Variants in COL6A5 observed in about 807,000 individuals in gnomAD.
The protein encoded by COL6A5 is collagen alpha-5(VI) chain.
In COL6A5, 48 loss-of-function variants were observed where a neutral mutation model predicts 65.6. The observed-to-expected ratio is 0.73, with a 90% confidence interval of 0.58 to 0.93. The LOEUF is 0.93. Among genes scored for constraint, COL6A5 ranks in the 40% least tolerant of loss-of-function variants. COL6A5 has a pLI of 0.00. For synonymous variants in COL6A5, 291 were observed against 322.8 expected, an observed-to-expected ratio of 0.90 and a Z score of 1.05; for missense variants, 914 against 928.3, an observed-to-expected ratio of 0.98 and a Z score of 0.20.
intron 17 of COL6A5, among the ~76,000 whole-genome samples, chr3:130,407,516 A>C (rs573458076): frequency 6.6e-6 from 1 of 152,378 alleles, no homozygotes; most frequent in African/African-American, 2.4e-5. Flanking sequence ...AGAAGTGATG[A>C]AGCCTTCAAG....
chr3:130,464,592 C>A (rs1424978524), intron 5 of COL6A5, among the ~76,000 whole-genome samples: 1 of 152,060 alleles, frequency 6.6e-6, no homozygotes, highest in Non-Finnish European at 1.5e-5. Context: ...TAGAAATGTT[C>A]ATTTAATTAA....
chr3:130,439,097 G>T (rs756316607), intron 1 of COL6A5, among the ~76,000 whole-genome samples: 3 of 152,152 alleles, frequency 2.0e-5, no homozygotes, highest in Non-Finnish European at 4.4e-5. Flanking sequence ...GCTTGGGAAC[G>T]TACAATTTCT....
At chr3:130,432,253 G>T (rs1559900289) in intron 1 of COL6A5, among the ~76,000 whole-genome samples, 1 of 152,062 alleles carries the variant, frequency 6.6e-6, no homozygotes, top group Non-Finnish European at 1.5e-5. Context: ...TTGTCTCCAT[G>T]TTAAAAATGA....
At chr3:130,405,426 A>G (rs1497313) in intron 13 of COL6A5, among the ~76,000 whole-genome samples, 162 bp from the exon 14 acceptor site, 110,245 of 152,068 alleles carry the variant, frequency 0.72, 40,644 homozygotes, top group Non-Finnish European at 0.79. Flanking sequence ...AAAAACAGAC[A>G]TAAATGAGTG....
At chr3:130,403,576 G>T in intron 12 of COL6A5, 33 bp from the exon 13 acceptor site, 1 of 1,525,908 alleles carries the variant, frequency 6.6e-7, no homozygotes, top group Non-Finnish European at 8.9e-7. Context: ...GGGGGGGGGT[G>T]ACTAAAATGT....
chr3:130,358,283 A>G (rs1480163985), intron 1 of COL6A5, among the ~76,000 whole-genome samples: 1 of 152,212 alleles, frequency 6.6e-6, no homozygotes, highest in East Asian at 1.9e-4. Flanking sequence ...GGTCAATGTA[A>G]TAATAAAAGG....
chr3:130,405,761 C>G, intron 14 of COL6A5, 102 bp downstream of exon 14: 1 of 1,018,038 alleles, frequency 9.8e-7, no homozygotes. Context: ...CATCACTCCT[C>G]TCTCTTTTCC....
At chr3:130,450,418 A>T (rs1319511801) in intron 4 of COL6A5, among the ~76,000 whole-genome samples, 9 of 152,094 alleles carry the variant, frequency 5.9e-5, no homozygotes, top group Admixed American at 2.0e-4. Context: ...TTCCAGTATG[A>T]CCAAGTTGGC....
chr3:130,484,072 A>G (rs367860348), exon 8 of COL6A5: 2 of 1,604,660 alleles, frequency 1.2e-6, no homozygotes, highest in Non-Finnish European at 1.7e-6. Flanking sequence ...AGAAAAGAAG[A>G]TAGCTCCACT....
At chr3:130,400,699 C>T (rs141338655) in intron 10 of COL6A5, among the ~76,000 whole-genome samples, 18 of 152,282 alleles carry the variant, frequency 1.2e-4, no homozygotes, top group Admixed American at 2.6e-4. Flanking sequence ...ATCACTTTCC[C>T]GTGCCCAAGA....
chr3:130,421,354 G>A lies in COL6A5; in HGVS notation c.5031G>A (p.Gly1677=), dbSNP rs1158465789. The A allele has an allele frequency of 4.5e-6, 7 of 1,550,540 alleles. No homozygotes were observed. In the African/African-American group the frequency reaches 8.2e-5, roughly 18 times the overall value. Residue 1677 remains glycine, a synonymous_variant and NMD_transcript_variant, in exon 27 of 42, where the codon GGG becomes GGA. Transcript: ENST00000312481. ...CAAGAGGATTCCCTGGAGATGCGGG[G>A]CAGAAGGTATTGTATGCATGACCTT... is the stretch of plus-strand genomic sequence containing the variant.
intron 6 of COL6A5, among the ~76,000 whole-genome samples, 187 bp from the exon 7 acceptor site, chr3:130,390,992 G>A (rs1936376757): frequency 6.6e-6 from 1 of 152,216 alleles, no homozygotes; most frequent in Admixed American, 6.5e-5. Flanking sequence ...ATGTAGGCAA[G>A]TTGCACTTCT....
intron 1 of COL6A5, among the ~76,000 whole-genome samples, chr3:130,434,521 C>T (rs796522538): frequency 2.0e-5 from 3 of 152,282 alleles, no homozygotes; most frequent in African/African-American, 7.2e-5. Context: ...TGCTGTCTTT[C>T]ACAATGGTTG....
At chr3:130,455,820 T>G (rs1355909544) in intron 5 of COL6A5, among the ~76,000 whole-genome samples, 154 bp downstream of exon 37, 1 of 152,126 alleles carries the variant, frequency 6.6e-6, no homozygotes, top group Non-Finnish European at 1.5e-5. Context: ...TTATTGAAAT[T>G]GAAGAAGTGA....
At chr3:130,379,525 G>T in exon 4 of COL6A5, 1 of 1,551,344 alleles carries the variant, frequency 6.4e-7, no homozygotes, top group South Asian at 1.2e-5. Context: ...GACCTTCCTT[G>T]AGAACATTAC....
exon 8 of COL6A5, chr3:130,394,922 C>A: frequency 6.4e-7 from 1 of 1,551,178 alleles, no homozygotes; most frequent in Non-Finnish European, 8.7e-7. Flanking sequence ...CGTGATTTTC[C>A]TTTGCGATGG....
At chr3:130,398,233 C>G (rs965727224) in intron 10 of COL6A5, 122 bp downstream of exon 10, 1 of 675,882 alleles carries the variant, frequency 1.5e-6, no homozygotes, top group Non-Finnish European at 2.5e-6. Flanking sequence ...TGGGTTCACA[C>G]CATTCTCCTG....
At chr3:130,425,678 T>C (rs1937589020) in intron 29 of COL6A5, among the ~76,000 whole-genome samples, 1 of 152,204 alleles carries the variant, frequency 6.6e-6, no homozygotes, top group Non-Finnish European at 1.5e-5. Context: ...ATGATTTAGT[T>C]ACACTTCTGT....
At chr3:130,384,515 A>G (rs1241509575) in intron 4 of COL6A5, among the ~76,000 whole-genome samples, 1 of 152,012 alleles carries the variant, frequency 6.6e-6, no homozygotes, top group Non-Finnish European at 1.5e-5. Flanking sequence ...TAGAAAAACT[A>G]TTTAACTTGG....
Sources: gnomAD v4.1 joint callset for allele counts (sites outside exome capture counted in the v4.1 genomes callset) on GRCh38, gnomAD v4.1.1 for gene constraint, MANE v1.5 for transcripts, NCBI Gene and HGNC (gene_info 2026-07-23, HGNC 2026-07-21) for gene names.